Variants in NTM observed in about 807,000 individuals in gnomAD.
The protein encoded by NTM is IgLON family member 2.
Under a neutral mutation model 42.1 loss-of-function variants are expected in NTM, and 13 were observed. That is an observed-to-expected ratio of 0.31 (90% CI 0.20 to 0.49). NTM has a LOEUF of 0.49. Ranked by LOEUF, NTM falls within the 20% of genes least tolerant of loss-of-function variation. The pLI is 0.99. For synonymous variants in NTM, 187 were observed against 179.2 expected (o/e 1.04, Z -0.35); for missense variants, 373 against 452.8 (o/e 0.82, Z 1.60).
At chr11:132,213,546 T>C (rs550931215) in intron 4 of NTM, among the ~76,000 whole-genome samples, 1 of 151,886 alleles carries the variant, frequency 6.6e-6, no homozygotes, top group Non-Finnish European at 1.5e-5. Context: ...CTCCTGAAGG[T>C]GACTGTGCAT....
intron 2 of NTM, among the ~76,000 whole-genome samples, chr11:131,960,997 C>T (rs566767644): frequency 2.6e-5 from 4 of 152,252 alleles, no homozygotes; most frequent in Middle Eastern, 3.4e-3. Context: ...ACCTACTGGC[C>T]ATCACCTTTT....
At chr11:131,529,878 C>T (rs1201057393) in intron 1 of NTM, among the ~76,000 whole-genome samples, 2 of 152,096 alleles carry the variant, frequency 1.3e-5, no homozygotes, top group Non-Finnish European at 2.9e-5. Context: ...CCTATTCTGC[C>T]AGCCTCCTCA....
intron 4 of NTM, among the ~76,000 whole-genome samples, chr11:132,276,531 G>C (rs962097371): frequency 3.3e-5 from 5 of 152,122 alleles, no homozygotes; most frequent in Non-Finnish European, 4.4e-5. Flanking sequence ...ACTGTGCATA[G>C]AATGATCACA....
At chr11:132,242,749 G>T (rs182092146) in intron 4 of NTM, among the ~76,000 whole-genome samples, 303 of 152,228 alleles carry the variant, frequency 2.0e-3, no homozygotes, top group African/African-American at 7.0e-3. Context: ...TTAGACTTTG[G>T]CCGAACTTTG....
chr11:132,329,958 A>C, intron 7 of NTM, 195 bp from the exon 8 acceptor site: 4 of 410,596 alleles, frequency 9.7e-6, no homozygotes, highest in Non-Finnish European at 1.3e-5. Context: ...CTGGCTGCCC[A>C]AGTAAACCAG....
At chr11:132,064,911 GT>G (rs1566064031) in intron 2 of NTM, among the ~76,000 whole-genome samples, 1 of 152,100 alleles carries the variant, frequency 6.6e-6, no homozygotes, top group African/African-American at 2.4e-5. Context: ...CATTTTACCC[GT>G]GTTTCCTCAT....
At chr11:132,302,871 G>T (rs1440306985) in intron 4 of NTM, among the ~76,000 whole-genome samples, 5 of 152,180 alleles carry the variant, frequency 3.3e-5, no homozygotes, top group Admixed American at 6.5e-5. Context: ...AGGCTTGAGC[G>T]AAATCACTAG....
intron 1 of NTM, among the ~76,000 whole-genome samples, chr11:131,375,179 T>C (rs1472700558): frequency 6.6e-6 from 1 of 151,996 alleles, no homozygotes; most frequent in African/African-American, 2.4e-5. Flanking sequence ...GGGAAAAATC[T>C]CTCCCTCTGC....
intron 1 of NTM, among the ~76,000 whole-genome samples, chr11:131,792,503 G>C (rs1020690260): frequency 1.3e-5 from 2 of 152,154 alleles, no homozygotes; most frequent in African/African-American, 4.8e-5. Flanking sequence ...CACCTTGGGT[G>C]TTCGAGTCCC....
At chr11:132,185,857 C>G (rs964035252) in intron 3 of NTM, among the ~76,000 whole-genome samples, 2 of 152,084 alleles carry the variant, frequency 1.3e-5, no homozygotes, top group African/African-American at 4.8e-5. Context: ...TTTTTGGGCT[C>G]GGATTCTTTA....
At chr11:131,427,928 G>T (rs536618747) in intron 1 of NTM, among the ~76,000 whole-genome samples, 1 of 152,252 alleles carries the variant, frequency 6.6e-6, no homozygotes, top group South Asian at 2.1e-4. Flanking sequence ...ATCGATATCT[G>T]TTGAGGTTTC....
At chr11:131,426,466 C>A (rs1265441750) in intron 1 of NTM, among the ~76,000 whole-genome samples, 2 of 152,142 alleles carry the variant, frequency 1.3e-5, no homozygotes, top group Non-Finnish European at 2.9e-5. Context: ...CCTCTGCTAC[C>A]AGCCTCTGAG....
At chr11:132,155,229 T>C (rs1276726603) in intron 3 of NTM, among the ~76,000 whole-genome samples, 1 of 152,210 alleles carries the variant, frequency 6.6e-6, no homozygotes, top group African/African-American at 2.4e-5. Flanking sequence ...CTCCTTGTTT[T>C]AGTTATTCCA....
chr11:131,433,496 T>G (rs1279855098), intron 1 of NTM, among the ~76,000 whole-genome samples: 2 of 152,186 alleles, frequency 1.3e-5, no homozygotes, highest in Non-Finnish European at 2.9e-5. Flanking sequence ...TATGATTATC[T>G]TTAAATTTCT....
At chr11:131,592,789 A>C (rs990471258) in intron 1 of NTM, among the ~76,000 whole-genome samples, 1 of 150,736 alleles carries the variant, frequency 6.6e-6, no homozygotes, top group South Asian at 2.1e-4. Flanking sequence ...GGCCTGCCAC[A>C]CTCCCCAAGC....
At chr11:131,790,148 TTAA>T (rs1253837329) in intron 1 of NTM, among the ~76,000 whole-genome samples, 1 of 152,036 alleles carries the variant, frequency 6.6e-6, no homozygotes, top group Non-Finnish European at 1.5e-5. Context: ...ACATAGAAGT[TTAA>T]TATGCAAATA....
intron 2 of NTM, among the ~76,000 whole-genome samples, chr11:131,941,239 G>T (rs1247693312): frequency 6.6e-6 from 1 of 152,218 alleles, no homozygotes; most frequent in African/African-American, 2.4e-5. Context: ...AAGAGCAACA[G>T]AGTAGAAACC....
chr11:131,756,835 T>C (rs1241411939), intron 1 of NTM, among the ~76,000 whole-genome samples: 2 of 152,140 alleles, frequency 1.3e-5, no homozygotes, highest in Non-Finnish European at 2.9e-5. Flanking sequence ...CTGGGTGAAA[T>C]TTATGGCCAG....
At chr11:132,255,142 A>G (rs999156524) in intron 4 of NTM, among the ~76,000 whole-genome samples, 1 of 152,202 alleles carries the variant, frequency 6.6e-6, no homozygotes, top group East Asian at 1.9e-4. Flanking sequence ...CAGTGGAGAC[A>G]CAAGAAGTGT....
Sources: gnomAD v4.1 joint callset for allele counts (sites outside exome capture counted in the v4.1 genomes callset) on GRCh38, gnomAD v4.1.1 for gene constraint, MANE v1.5 for transcripts, NCBI Gene and HGNC (gene_info 2026-07-23, HGNC 2026-07-21) for gene names.